Variants in CCDC178 observed in about 807,000 individuals in gnomAD.
CCDC178 encodes coiled-coil domain-containing protein 178.
A neutral mutation model predicts 117.4 loss-of-function variants in CCDC178; 126 were observed. The ratio of observed to expected loss-of-function variants is 1.07; its 90% CI spans 0.93 to 1.24. The LOEUF is 1.24. CCDC178 is among the 50% of genes most tolerant of loss of function. The probability of loss-of-function intolerance (pLI) is 0.00; values close to 1 mark genes in which losing one functional copy is unlikely to be tolerated. For missense variants in CCDC178, 1,030 were observed against 986.9 expected, an observed-to-expected ratio of 1.04 and a Z score of -0.59; for synonymous variants, 283 against 313.4, an observed-to-expected ratio of 0.90 and a Z score of 1.02.
At chr18:33,413,160 T>C (rs2063883420) in intron 2 of CCDC178, among the ~76,000 whole-genome samples, 1 of 152,166 alleles carries the variant, frequency 6.6e-6, no homozygotes, top group Non-Finnish European at 1.5e-5. Flanking sequence ...ATCATCTAAT[T>C]TATTTTTTGT....
chr18:33,160,880 A>C (rs2058453831), intron 20 of CCDC178, among the ~76,000 whole-genome samples: 2 of 151,818 alleles, frequency 1.3e-5, no homozygotes, highest in African/African-American at 4.8e-5. Flanking sequence ...CATCCACTTG[A>C]CTCTTCATTA....
chr18:33,145,473 T>C (rs549305688), intron 20 of CCDC178, among the ~76,000 whole-genome samples: 2 of 152,332 alleles, frequency 1.3e-5, no homozygotes, highest in African/African-American at 4.8e-5. Context: ...TTATTGGGTA[T>C]AGTACACTTG....
chr18:33,347,581 A>C (rs1415409648), intron 8 of CCDC178, among the ~76,000 whole-genome samples: 2 of 152,110 alleles, frequency 1.3e-5, no homozygotes, highest in Non-Finnish European at 2.9e-5. Context: ...TTTAAAATTA[A>C]TTGTCTTTTT....
chr18:33,197,352 C>T (rs2058942640), intron 20 of CCDC178, among the ~76,000 whole-genome samples: 1 of 152,108 alleles, frequency 6.6e-6, no homozygotes, highest in Admixed American at 6.5e-5. Context: ...ACCCAAAGAA[C>T]AATGACAAAC....
Position 32,938,039 on chromosome 18 carries a change from G to A in CCDC178, c.2576C>T (p.Thr859Ile). Residue 859 changes from threonine (T) to isoleucine (I), a missense_variant, in exon 23 of 23, where the codon ACA becomes ATA. Thr to Ile is a moderately conservative substitution (Grantham distance 89). Coordinates refer to ENST00000383096, the MANE Select transcript of CCDC178 (RefSeq NM_001105528.4). ...QHILGFFQTL[T>I]DGTCENDG ...ACCATCGTTTTCGCATGTGCCATCT[G>A]TCAAAGTCTGGAAGAAACCTAAGAT... The A allele has an allele frequency of 6.2e-7, 1 of 1,613,702 alleles. No individual in the cohort carries two copies. The highest frequency in any genetic ancestry group is 8.5e-7 in the Non-Finnish European group (1 of 1,179,700).
chr18:33,049,779 C>T (rs2144921898), intron 21 of CCDC178, among the ~76,000 whole-genome samples: 1 of 152,184 alleles, frequency 6.6e-6, no homozygotes, highest in East Asian at 1.9e-4. Context: ...CCTAACAATA[C>T]TTTAAAATAT....
At chr18:33,094,271 A>G (rs778488100) in intron 20 of CCDC178, among the ~76,000 whole-genome samples, 2 of 151,978 alleles carry the variant, frequency 1.3e-5, no homozygotes, top group South Asian at 2.1e-4. Context: ...CTATCTATAA[A>G]CTTGCCTAAA....
intron 14 of CCDC178, among the ~76,000 whole-genome samples, chr18:33,261,820 T>A (rs553327959): frequency 5.3e-5 from 8 of 152,270 alleles, no homozygotes; most frequent in African/African-American, 1.9e-4. Context: ...AACTTGACAT[T>A]TTCTCATAAC....
chr18:33,417,597 T>A (rs1392895497), intron 2 of CCDC178, among the ~76,000 whole-genome samples: 1 of 151,926 alleles, frequency 6.6e-6, no homozygotes, highest in Non-Finnish European at 1.5e-5. Context: ...GAAATCTGAA[T>A]AAGTTCCATT....
intron 20 of CCDC178, among the ~76,000 whole-genome samples, chr18:33,202,370 C>A (rs1455999806): frequency 9.1e-6 from 1 of 110,152 alleles, no homozygotes; most frequent in African/African-American, 3.5e-5. Flanking sequence ...TCCAGCCTGG[C>A]AACAGAGCAA....
intron 22 of CCDC178, among the ~76,000 whole-genome samples, chr18:32,948,685 G>A (rs1054039419): frequency 6.6e-6 from 1 of 151,954 alleles, no homozygotes; most frequent in African/African-American, 2.4e-5. Context: ...TTTATTCTCT[G>A]TTGGTTTCAT....
chr18:33,245,362 A>G lies in CCDC178; in HGVS notation c.1476T>C (p.Asp492=). The G allele has an allele frequency of 6.2e-7, 1 of 1,605,368 alleles. No individual in the cohort carries two copies. Among genetic ancestry groups the G allele is most frequent in the Non-Finnish European group, 8.5e-7 (1 of 1,176,420 alleles). The change falls in exon 15 of 23, where the codon GAT becomes GAC. Residue 492 remains aspartate (D), a synonymous_variant. Transcript: ENST00000383096. ...KYLTIMKLKN[D]KHLKNIYKEA... ...CCTTATAGATGTTCTTGAGATGTTT[A>G]TCATTCTTTAACTTCATTATTGTCA...
intron 4 of CCDC178, among the ~76,000 whole-genome samples, chr18:33,392,721 G>T (rs2063579885): frequency 2.0e-5 from 3 of 152,042 alleles, no homozygotes; most frequent in Admixed American, 6.6e-5. Context: ...GGAAAGCCGG[G>T]CATGGTGGCA....
At chr18:33,298,000 C>T (rs990295781) in intron 11 of CCDC178, among the ~76,000 whole-genome samples, 2 of 151,020 alleles carry the variant, frequency 1.3e-5, no homozygotes, top group African/African-American at 4.9e-5. Context: ...CGAGATTGCA[C>T]ACTGCACTCC....
chr18:33,144,412 T>C (rs1466720521), intron 20 of CCDC178, among the ~76,000 whole-genome samples: 8 of 152,136 alleles, frequency 5.3e-5, no homozygotes, highest in Admixed American at 3.9e-4. Flanking sequence ...AGCAACATTA[T>C]AATGGGTCAT....
intron 12 of CCDC178, among the ~76,000 whole-genome samples, chr18:33,284,732 G>A (rs2060076220): frequency 1.3e-5 from 2 of 152,176 alleles, no homozygotes; most frequent in African/African-American, 4.8e-5. Flanking sequence ...TCTGAGGGTT[G>A]TAAGGAAGAA....
intron 11 of CCDC178, among the ~76,000 whole-genome samples, chr18:33,302,463 CCACAAAAGTTACAAATAGA>C (rs1291040697): frequency 6.6e-6 from 1 of 152,096 alleles, no homozygotes; most frequent in East Asian, 1.9e-4. Flanking sequence ...TATGAAAATT[CCACAAAAGTTACAAATAGA>C]ACTACTATAT....
At chr18:33,207,317 T>C (rs968335867) in intron 20 of CCDC178, among the ~76,000 whole-genome samples, 5 of 152,120 alleles carry the variant, frequency 3.3e-5, no homozygotes, top group African/African-American at 4.8e-5. Context: ...AAATTAAATG[T>C]TTGTAAATTA....
intron 2 of CCDC178, among the ~76,000 whole-genome samples, chr18:33,413,850 A>G (rs1426978149): frequency 2.0e-5 from 3 of 152,168 alleles, no homozygotes; most frequent in Non-Finnish European, 4.4e-5. Context: ...TGAGACCCCA[A>G]AAGTCTGTAT....
Sources: allele counts gnomAD v4.1 joint callset (sites outside exome capture counted in the v4.1 genomes callset), GRCh38; gene constraint gnomAD v4.1.1; transcripts MANE v1.5; gene names NCBI Gene and HGNC (gene_info 2026-07-23, HGNC 2026-07-21).